Variants in PKHD1 observed in about 807,000 individuals in gnomAD.
The protein encoded by PKHD1 is fibrocystin.
In PKHD1, 291 loss-of-function variants were observed where a neutral mutation model predicts 412.0. The ratio of observed to expected loss-of-function variants is 0.71; its 90% CI spans 0.64 to 0.78. The LOEUF is 0.78. PKHD1 is among the 30% of genes least tolerant of loss of function. The pLI, the probability that PKHD1 is intolerant of heterozygous loss-of-function variation, is 0.00. For missense variants in PKHD1, 4,825 were observed against 4,950.7 expected (o/e 0.97, Z 0.76); for synonymous variants, 1,777 against 1,821.5 (o/e 0.98, Z 0.62).
chr6:51,652,429 G>A (rs576429940), intron 61 of PKHD1, among the ~76,000 whole-genome samples: 1 of 152,216 alleles, frequency 6.6e-6, no homozygotes, highest in African/African-American at 2.4e-5. Context: ...GTGGGGTGAG[G>A]TGAAGTTGGG....
In PKHD1 at chr6:51,715,806, T is replaced by C. The variant is rs114545357; in HGVS notation, c.10156+28579A>G. Among the ~76,000 whole-genome samples, 417 of 152,310 alleles carry C rather than the reference T, an allele frequency of 2.7e-3. 3 individuals carry two copies. Among genetic ancestry groups the C allele is most frequent in the African/African-American group, 9.7e-3 (404 of 41,570 alleles). On this transcript the variant is annotated intron_variant, in intron 60 of 66. Coordinates refer to ENST00000371117, the MANE Select transcript of PKHD1 (RefSeq NM_138694.4). ...CACAGAGGAGCTGTTTGTTCATGTT[T>C]TTGTAACCAGGCTTAACAAAGAAGA...
intron 50 of PKHD1, among the ~76,000 whole-genome samples, chr6:51,844,264 G>A (rs1770756787): frequency 6.6e-6 from 1 of 152,102 alleles, no homozygotes; most frequent in Admixed American, 6.5e-5. Context: ...CAATGCCCCA[G>A]GTAAAATAAC....
chr6:51,898,797 G>A (rs1301748902), intron 43 of PKHD1, among the ~76,000 whole-genome samples: 1 of 148,896 alleles, frequency 6.7e-6, no homozygotes, highest in Non-Finnish European at 1.5e-5. Context: ...AAAGAGAGAA[G>A]AATCAAATAG....
intron 22 of PKHD1, among the ~76,000 whole-genome samples, chr6:52,049,882 G>GT (rs1806504816): frequency 6.6e-6 from 1 of 152,154 alleles, no homozygotes; most frequent in East Asian, 1.9e-4. Flanking sequence ...TCAAAGCGTA[G>GT]TCCCCAGACC....
At chr6:51,739,166 CAT>C (rs1183599896) in intron 60 of PKHD1, among the ~76,000 whole-genome samples, 1 of 147,796 alleles carries the variant, frequency 6.8e-6, no homozygotes. Context: ...AAAATATACT[CAT>C]GTTATATACA....
At chr6:51,692,375 C>T (rs919356121) in intron 60 of PKHD1, among the ~76,000 whole-genome samples, 3 of 152,034 alleles carry the variant, frequency 2.0e-5, no homozygotes, top group African/African-American at 7.2e-5. Context: ...AACTCATCTT[C>T]CATTCATCTC....
chr6:52,040,160 ATGT>A lies in PKHD1; in HGVS notation c.3097+2696_3097+2698del, dbSNP rs376585989. Among the ~76,000 whole-genome samples the A allele has an allele frequency of 9.0e-4, 137 of 152,316 alleles. 5 individuals are homozygous for A. The East Asian group carries it at 0.019, about 21-fold the overall frequency. On this transcript the variant is annotated intron_variant, in intron 27 of 66. Transcript: ENST00000371117. ...CAGGTTCCTTTCCATGATGATGAAA[ATGT>A]TGTTGAATCAGGTGGTGATGAGGTA... is the stretch of plus-strand genomic sequence containing the variant.
rs192783124 is a variant in PKHD1 at position 51,727,026 on chromosome 6, C to T, written c.10156+17359G>A. 1.8e-4 allele frequency among the ~76,000 whole-genome samples: 28 copies of T among 152,180 alleles called. No individual in the cohort carries two copies. In the East Asian group the frequency reaches 1.9e-3, roughly 11 times the overall value. ...CGGGAGAGATTCAAAGCATGAGAGGCACACAATTAGCTATTGCTGATTTTG... is the reference window on the plus strand; with the variant it reads ...CGGGAGAGATTCAAAGCATGAGAGGTACACAATTAGCTATTGCTGATTTTG... On this transcript the variant is annotated intron_variant, in intron 60 of 66. Transcript: ENST00000371117.
At chr6:51,926,555 G>C (rs1397667301) in intron 37 of PKHD1, among the ~76,000 whole-genome samples, 1 of 152,116 alleles carries the variant, frequency 6.6e-6, no homozygotes, top group Admixed American at 6.6e-5. Context: ...TTATTGAATA[G>C]CTAGAACTCA....
Position 51,618,976 on chromosome 6 carries a change from CTCT to C in PKHD1, c.*102_*104del. The C allele has an allele frequency of 7.7e-6, 8 of 1,036,556 alleles. No homozygotes were observed. Among genetic ancestry groups the C allele is most frequent in the South Asian group, 7.6e-5 (6 of 78,438 alleles). The allele number at this position is 1,036,556 out of a possible 1,614,324, so 64.2% of individuals were successfully genotyped here. On this transcript the variant is annotated 3_prime_UTR_variant, in exon 67 of 67. Coordinates refer to ENST00000371117, the MANE Select transcript of PKHD1 (RefSeq NM_138694.4). ...AAAAGGGATTCAGAGTCCACATTCT[CTCT>C]TCTTAGTTGTCCCAGCAGGACAGTC...
Position 51,909,434 on chromosome 6 carries a change from C to T in PKHD1, c.6531G>A (p.Met2177Ile). The T allele has an allele frequency of 6.2e-7, 1 of 1,613,432 alleles. No individual in the cohort carries two copies. Among genetic ancestry groups the T allele is most frequent in the Non-Finnish European group, 8.5e-7 (1 of 1,179,580 alleles). Residue 2177 changes from methionine to isoleucine, a missense_variant, in exon 40 of 67, where the codon ATG (methionine) becomes ATA (isoleucine). Transcript: ENST00000371117. ...QHCLYSMSEKMLGSRDMGARV... is the reference protein window; with the variant it reads ...QHCLYSMSEKILGSRDMGARV... ...TGGCTCCCATATCCCTGGATCCTAG[C>T]ATCTTCTCACTCATGGAATACAAAC...
At chr6:51,620,580 T>C in intron 66 of PKHD1, among the ~76,000 whole-genome samples, 1 of 152,064 alleles carries the variant, frequency 6.6e-6, no homozygotes. Flanking sequence ...CACGCATTTG[T>C]ATGTATTGAA....
intron 60 of PKHD1, among the ~76,000 whole-genome samples, chr6:51,733,814 C>T (rs934826207): frequency 2.6e-5 from 4 of 152,128 alleles, no homozygotes; most frequent in African/African-American, 9.7e-5. Flanking sequence ...AACTAGGTCA[C>T]TGGGTAGAAG....
chr6:52,005,289 T>C (rs1377308491), intron 35 of PKHD1, among the ~76,000 whole-genome samples: 1 of 152,204 alleles, frequency 6.6e-6, no homozygotes, highest in Non-Finnish European at 1.5e-5. Flanking sequence ...AATGTGACTA[T>C]AGCTCACCTT....
In PKHD1 at chr6:52,054,047, C is replaced by CTGG; in HGVS notation, c.1952_1954dup (p.Thr651dup). On this transcript the variant is annotated inframe_insertion, in exon 20 of 67. Transcript: ENST00000371117. ...CCCACCGATTAGCTACCTCTCGGGG[C>CTGG]TGGTCCTCGTGAGACTCCAGTCACA... is the stretch of plus-strand genomic sequence containing the variant. The CTGG allele has an allele frequency of 6.2e-7, 1 of 1,613,916 alleles. No homozygotes were observed. Among genetic ancestry groups the CTGG allele is most frequent in the Non-Finnish European group, 8.5e-7 (1 of 1,179,826 alleles).
chr6:52,050,179 C>A lies in PKHD1; in HGVS notation c.2257G>T (p.Glu753Ter), dbSNP rs1806573538. The A allele has an allele frequency of 3.7e-6, 6 of 1,614,178 alleles. No homozygotes were observed. Among genetic ancestry groups the A allele is most frequent in the Non-Finnish European group, 5.1e-6 (6 of 1,180,016 alleles). The change falls in exon 22 of 67, where the codon GAG becomes TAG. Residue 753 changes from glutamate (E) to a stop codon, truncating the protein, a stop_gained. Coordinates refer to ENST00000371117, the MANE Select transcript of PKHD1 (RefSeq NM_138694.4). LOFTEE classifies it high-confidence loss of function. Reference protein sequence around the residue: ...VTSWLAGCGTELPLITARSVP... With the variant: ...VTSWLAGCGT ...TACCGTGCAGTGATGAGCGGGAGCT[C>A]CGTGCCACACCCCGCCAGCCAGGAG...
At position 51,772,695 on chromosome 6, in the gene PKHD1, T is replaced by C; in HGVS notation, c.8642+7A>G. On this transcript the variant is annotated splice_region_variant and intron_variant, in intron 55 of 66. Coordinates refer to ENST00000371117, the MANE Select transcript of PKHD1 (RefSeq NM_138694.4). The stretch of plus-strand genomic sequence containing the variant: ...AGAAAAAGCCCTAAGTTACTCTCAT[T>C]CCTTACCTCTCATTTCCTGAGGCAA... The C allele has an allele frequency of 6.8e-7, 1 of 1,472,042 alleles. No homozygotes were observed. Among genetic ancestry groups the C allele is most frequent in the Non-Finnish European group, 9.5e-7 (1 of 1,053,052 alleles). The allele number at this position is 1,472,042 out of a possible 1,614,324, so 91.2% of individuals were successfully genotyped here.
chr6:51,633,809 G>T lies in PKHD1; in HGVS notation c.11507-1086C>A, dbSNP rs370831195. Among the ~76,000 whole-genome samples, 5 of 152,134 alleles carry T rather than the reference G, an allele frequency of 3.3e-5. No individual in the cohort carries two copies. In the South Asian group the frequency reaches 8.3e-4, roughly 25 times the overall value. On this transcript the variant is annotated intron_variant, in intron 64 of 66. Coordinates refer to ENST00000371117, the MANE Select transcript of PKHD1 (RefSeq NM_138694.4). Reference sequence around the variant, plus strand: ...GAAATGGTCCTTATCCTGACTGTGGGGATGGTTACATGGATCTATACATGT... The same window carrying T: ...GAAATGGTCCTTATCCTGACTGTGGTGATGGTTACATGGATCTATACATGT...
chr6:51,904,109 A>G, intron 41 of PKHD1, 67 bp from the exon 42 acceptor site: 1 of 1,012,376 alleles, frequency 9.9e-7, no homozygotes, highest in Non-Finnish European at 1.6e-6. Flanking sequence ...AGATGCTGCA[A>G]CACTACTTCT....
Sources: allele counts gnomAD v4.1 joint callset (sites outside exome capture counted in the v4.1 genomes callset), GRCh38; gene constraint gnomAD v4.1.1; transcripts MANE v1.5; gene names NCBI Gene and HGNC (gene_info 2026-07-23, HGNC 2026-07-21).